The following DAB1 variants were observed in gnomAD, a reference collection of about 807,000 sequenced individuals.
DAB1 encodes the protein DAB adaptor protein 1, also known as disabled homolog 1.
DAB1 carries 15 observed loss-of-function variants against 64.6 expected under a neutral mutation model. That is an observed-to-expected ratio of 0.23 (90% CI 0.16 to 0.36). The LOEUF is 0.36. DAB1 is among the 10% of genes least tolerant of loss of function. The pLI, the probability that DAB1 is intolerant of heterozygous loss-of-function variation, is 1.00. For missense variants in DAB1, 596 were observed against 706.7 expected, an observed-to-expected ratio of 0.84 and a Z score of 1.78; for synonymous variants, 235 against 251.9, an observed-to-expected ratio of 0.93 and a Z score of 0.64.
chr1:57,391,618 G>C (rs1194166409), intron 1 of DAB1, among the ~76,000 whole-genome samples: 1 of 152,052 alleles, frequency 6.6e-6, no homozygotes, highest in Non-Finnish European at 1.5e-5. Flanking sequence ...GATATATTCT[G>C]GAAAACAAGA....
chr1:57,223,181 A>G (rs1270709616), intron 2 of DAB1, among the ~76,000 whole-genome samples: 2 of 152,220 alleles, frequency 1.3e-5, no homozygotes, highest in African/African-American at 4.8e-5. Context: ...AGTGCTATTC[A>G]GATGTATGAT....
chr1:57,620,781 G>A (rs1344466629), intron 7 of DAB1, among the ~76,000 whole-genome samples: 1 of 152,200 alleles, frequency 6.6e-6, no homozygotes, highest in Non-Finnish European at 1.5e-5. Flanking sequence ...AACAGCTGCA[G>A]TGTCACAGGC....
chr1:58,106,081 T>TTTCCTTCC lies in DAB1; in HGVS notation n.387+44422_387+44429dup, dbSNP rs3053675. On this transcript the variant is annotated intron_variant and non_coding_transcript_variant, in intron 5 of 20. Coordinates refer to the DAB1 transcript ENST00000485760. ...GTTGTTTTGGTTTTTTGTTTTTTGT[T>TTTCCTTCC]TTCCTTCCTTCCTTCCTTCCTTCCT... Among the ~76,000 whole-genome samples, 6 of 150,638 alleles carry TTTCCTTCC rather than the reference T, an allele frequency of 4.0e-5. 1 individual carries two copies. The highest frequency in any genetic ancestry group is 2.0e-4 in the Admixed American group (3 of 15,086).
At chr1:58,276,826 A>T (rs1661456912) in intron 4 of DAB1, among the ~76,000 whole-genome samples, 1 of 152,114 alleles carries the variant, frequency 6.6e-6, no homozygotes, top group Non-Finnish European at 1.5e-5. Flanking sequence ...CATAAATGTC[A>T]TAGAAATAAA....
chr1:58,070,305 G>T (rs527874246), intron 5 of DAB1, among the ~76,000 whole-genome samples: 2 of 152,322 alleles, frequency 1.3e-5, no homozygotes, highest in East Asian at 3.9e-4. Flanking sequence ...AAGGGAATTG[G>T]GCAGTTGTGG....
At chr1:58,465,814 C>G (rs934017199) in intron 3 of DAB1, among the ~76,000 whole-genome samples, 1 of 152,166 alleles carries the variant, frequency 6.6e-6, no homozygotes, top group African/African-American at 2.4e-5. Context: ...CACTTACCCA[C>G]GAGGAAACTG....
At chr1:58,111,509 T>C (rs958644633) in intron 5 of DAB1, among the ~76,000 whole-genome samples, 1 of 152,230 alleles carries the variant, frequency 6.6e-6, no homozygotes, top group Non-Finnish European at 1.5e-5. Flanking sequence ...TATTTTTTAA[T>C]AAAGGGATTT....
chr1:58,095,573 CG>C (rs1650929019), intron 5 of DAB1, among the ~76,000 whole-genome samples: 1 of 152,150 alleles, frequency 6.6e-6, no homozygotes, highest in South Asian at 2.1e-4. Flanking sequence ...GGAGTTACAT[CG>C]GTCTGTTCTT....
intron 2 of DAB1, among the ~76,000 whole-genome samples, chr1:57,289,544 T>C (rs1276930176): frequency 6.6e-6 from 1 of 152,246 alleles, no homozygotes; most frequent in Non-Finnish European, 1.5e-5. Flanking sequence ...AAAGTATTTG[T>C]GTTTCAAATA....
intron 1 of DAB1, among the ~76,000 whole-genome samples, chr1:58,535,627 G>T (rs1478014279): frequency 6.8e-6 from 1 of 148,104 alleles, no homozygotes; most frequent in Non-Finnish European, 1.5e-5. Flanking sequence ...ATTCAGCCAT[G>T]CCAAAGCTGT....
At chr1:58,000,231 G>T (rs1438121056) in intron 5 of DAB1, among the ~76,000 whole-genome samples, 3 of 152,196 alleles carry the variant, frequency 2.0e-5, no homozygotes, top group African/African-American at 7.2e-5. Flanking sequence ...CATACTTAGT[G>T]CAACTTTTGG....
intron 5 of DAB1, among the ~76,000 whole-genome samples, chr1:58,027,939 G>A (rs1404355434): frequency 6.6e-6 from 1 of 152,144 alleles, no homozygotes; most frequent in Admixed American, 6.6e-5. Flanking sequence ...CATGCTTTGA[G>A]GACTGCTGGG....
intron 2 of DAB1, among the ~76,000 whole-genome samples, chr1:57,170,745 G>T (rs139408484): frequency 6.6e-6 from 1 of 152,054 alleles, no homozygotes; most frequent in Non-Finnish European, 1.5e-5. Flanking sequence ...GAAATGTCTA[G>T]GAAAACAAAA....
At chr1:57,236,325 A>C (rs971774197) in intron 2 of DAB1, among the ~76,000 whole-genome samples, 5 of 152,202 alleles carry the variant, frequency 3.3e-5, no homozygotes, top group Non-Finnish European at 5.9e-5. Flanking sequence ...ACAAGCTCAC[A>C]GTTGAGTAGG....
At chr1:57,185,685 A>G (rs999802291) in intron 2 of DAB1, among the ~76,000 whole-genome samples, 2 of 152,238 alleles carry the variant, frequency 1.3e-5, no homozygotes, top group Non-Finnish European at 2.9e-5. Context: ...GGTGGTACTC[A>G]GACACTGAAC....
intron 6 of DAB1, among the ~76,000 whole-genome samples, chr1:57,677,921 G>T (rs1250969674): frequency 3.3e-5 from 5 of 152,136 alleles, no homozygotes; most frequent in Non-Finnish European, 7.3e-5. Flanking sequence ...GGATCTGGTA[G>T]GTTATATTAG....
At chr1:58,089,583 C>T (rs1472541455) in intron 5 of DAB1, among the ~76,000 whole-genome samples, 6 of 152,194 alleles carry the variant, frequency 3.9e-5, no homozygotes, top group Non-Finnish European at 1.5e-5. Context: ...GAATTCTTTA[C>T]ATCCTGGCTT....
At chr1:58,011,266 G>T (rs1646664289) in intron 5 of DAB1, among the ~76,000 whole-genome samples, 1 of 152,178 alleles carries the variant, frequency 6.6e-6, no homozygotes, top group Non-Finnish European at 1.5e-5. Context: ...GTGGTAATAA[G>T]TATTCTTGTA....
At chr1:57,649,902 C>T (rs912931690) in intron 6 of DAB1, among the ~76,000 whole-genome samples, 3 of 152,148 alleles carry the variant, frequency 2.0e-5, no homozygotes, top group Non-Finnish European at 4.4e-5. Flanking sequence ...AATCAGGATA[C>T]GTGTGTCTGT....
Sources: gnomAD v4.1 joint callset for allele counts (sites outside exome capture counted in the v4.1 genomes callset) on GRCh38, gnomAD v4.1.1 for gene constraint, MANE v1.5 for transcripts, NCBI Gene and HGNC (gene_info 2026-07-23, HGNC 2026-07-21) for gene names.